Variants in ZNF804A observed in about 807,000 individuals in gnomAD.
ZNF804A encodes zinc finger protein 804A.
A neutral mutation model predicts 16.5 loss-of-function variants in ZNF804A; 2 were observed. That is an observed-to-expected ratio of 0.12 (90% CI 0.05 to 0.38). The LOEUF (loss-of-function observed/expected upper bound fraction) is 0.38. Among genes scored for constraint, ZNF804A ranks in the 10% least tolerant of loss-of-function variants. ZNF804A has a pLI of 0.99. For missense variants in ZNF804A, 1,473 were observed against 1,390.7 expected (o/e 1.06, Z -0.94); for synonymous variants, 534 against 489.6 (o/e 1.09, Z -1.20).
rs1472251340 is a variant in ZNF804A, at chr2:184,882,688, C to T, written c.255+16176C>T. On this transcript the variant is annotated intron_variant, in intron 2 of 3. Transcript: ENST00000302277. ...AATTAAACAGCCTGCTCCTGATTGA[C>T]TTTGGGTAAATAATGAAATGAAGGC... Among the ~76,000 whole-genome samples the T allele has an allele frequency of 3.3e-5, 5 of 152,200 alleles. No homozygotes were observed. In the East Asian group the frequency reaches 7.7e-4, roughly 24 times the overall value.
At chr2:184,674,441 G>A (rs1574156943) in intron 1 of ZNF804A, among the ~76,000 whole-genome samples, 1 of 151,982 alleles carries the variant, frequency 6.6e-6, no homozygotes, top group East Asian at 1.9e-4. Flanking sequence ...AAATAAAAAA[G>A]AGAACATGAT....
rs756649156 is a variant in ZNF804A at position 184,938,700 on chromosome 2, G to A, written c.3304G>A (p.Val1102Ile). The A allele has an allele frequency of 1.9e-6, 3 of 1,613,530 alleles. No homozygotes were observed. The highest frequency in any genetic ancestry group is 2.5e-6 in the Non-Finnish European group (3 of 1,179,804). ...CTCTGTAACCACTATCCATCACACT[G>A]TTTTGCAGCAGCACGCTGCAGCTGC... Reference protein sequence around the residue: ...STSVTTIHHTVLQQHAAAAAA... With the variant: ...STSVTTIHHTILQQHAAAAAA... The change falls in exon 4 of 4, where the codon GTT (valine) becomes ATT (isoleucine). Residue 1102 changes from valine to isoleucine, a missense_variant. Val to Ile is a conservative substitution (Grantham distance 29). Transcript: ENST00000302277.
intron 1 of ZNF804A, among the ~76,000 whole-genome samples, chr2:184,770,622 G>T (rs1203983755): frequency 6.9e-6 from 1 of 145,798 alleles, no homozygotes; most frequent in Admixed American, 6.7e-5. Flanking sequence ...ATCTCAAAAA[G>T]AAAATGTTGG....
chr2:184,884,631 G>A (rs1293607914), intron 2 of ZNF804A, among the ~76,000 whole-genome samples: 1 of 152,012 alleles, frequency 6.6e-6, no homozygotes, highest in Non-Finnish European at 1.5e-5. Flanking sequence ...ACAGAATAGA[G>A]AACCCAGAAA....
chr2:184,694,853 G>A (rs1692801954), intron 1 of ZNF804A, among the ~76,000 whole-genome samples: 1 of 152,196 alleles, frequency 6.6e-6, no homozygotes, highest in African/African-American at 2.4e-5. Flanking sequence ...GAAGGAGCTA[G>A]GCAAAGGTGT....
At chr2:184,810,448 A>G (rs1450477055) in intron 1 of ZNF804A, among the ~76,000 whole-genome samples, 1 of 142,872 alleles carries the variant, frequency 7.0e-6, no homozygotes, top group African/African-American at 2.6e-5. Flanking sequence ...TTTTCTTATT[A>G]TAATTACATT....
chr2:184,617,708 G>T (rs1230890827), intron 1 of ZNF804A, among the ~76,000 whole-genome samples: 2 of 151,460 alleles, frequency 1.3e-5, no homozygotes, highest in Admixed American at 1.3e-4. Context: ...TTGTGGTTAA[G>T]TCAATTATTT....
At chr2:184,881,190 C>T (rs896974261) in intron 2 of ZNF804A, among the ~76,000 whole-genome samples, 11 of 151,868 alleles carry the variant, frequency 7.2e-5, no homozygotes, top group Non-Finnish European at 2.9e-5. Flanking sequence ...GCCTACTCCC[C>T]GAATTAACTC....
intron 1 of ZNF804A, among the ~76,000 whole-genome samples, chr2:184,807,997 T>C (rs1427264913): frequency 6.6e-6 from 1 of 151,658 alleles, no homozygotes; most frequent in African/African-American, 2.4e-5. Flanking sequence ...TTAATTTGTT[T>C]ATATTTTAAA....
At chr2:184,833,427 A>G (rs1262949764) in intron 1 of ZNF804A, among the ~76,000 whole-genome samples, 3 of 152,064 alleles carry the variant, frequency 2.0e-5, no homozygotes, top group Admixed American at 2.0e-4. Flanking sequence ...CTGTCACTAC[A>G]AGCCACATGT....
intron 1 of ZNF804A, among the ~76,000 whole-genome samples, chr2:184,789,867 C>T (rs1322203526): frequency 6.6e-6 from 1 of 151,776 alleles, no homozygotes. Context: ...CTTCTGCTAG[C>T]TTTGGGGTTG....
intron 1 of ZNF804A, among the ~76,000 whole-genome samples, chr2:184,703,237 TA>T (rs1422590660): frequency 1.3e-5 from 2 of 152,182 alleles, no homozygotes; most frequent in Non-Finnish European, 2.9e-5. Flanking sequence ...TCACTGTTGC[TA>T]AAAAGTAGTT....
At position 184,938,659 on chromosome 2, in the gene ZNF804A, A is replaced by G. The variant is rs757986451; in HGVS notation, c.3263A>G (p.Gln1088Arg). The G allele has an allele frequency of 1.2e-6, 2 of 1,613,922 alleles. No homozygotes were observed. Among genetic ancestry groups the G allele is most frequent in the Non-Finnish European group, 1.7e-6 (2 of 1,179,934 alleles). ...CCTCTGCAGCCTTTGCCTTTGCAGCAGTCCTTATGTTCTACCTCTGTAACC... is the reference window on the plus strand; with the variant it reads ...CCTCTGCAGCCTTTGCCTTTGCAGCGGTCCTTATGTTCTACCTCTGTAACC... ...STPLQPLPLQ[Q>R]SLCSTSVTTI... The change falls in exon 4 of 4, where the codon CAG (glutamine) becomes CGG (arginine). Residue 1088 changes from glutamine to arginine, a missense_variant. Physicochemically the swap from Gln to Arg is conservative, Grantham distance 43. Coordinates refer to ENST00000302277, the MANE Select transcript of ZNF804A (RefSeq NM_194250.2).
chr2:184,804,965 C>T (rs891260022), intron 1 of ZNF804A, among the ~76,000 whole-genome samples: 6 of 152,114 alleles, frequency 3.9e-5, no homozygotes, highest in East Asian at 1.9e-4. Flanking sequence ...TATGTATACC[C>T]GCAGATTTTC....
At chr2:184,701,266 A>G (rs1692915263) in intron 1 of ZNF804A, among the ~76,000 whole-genome samples, 1 of 151,966 alleles carries the variant, frequency 6.6e-6, no homozygotes, top group African/African-American at 2.4e-5. Context: ...TTACGACAGA[A>G]TACAGCCAAA....
chr2:184,635,335 T>C (rs944391656), intron 1 of ZNF804A, among the ~76,000 whole-genome samples: 2 of 152,014 alleles, frequency 1.3e-5, no homozygotes, highest in Non-Finnish European at 2.9e-5. Flanking sequence ...GAATAAAGAG[T>C]AGCTTGGCAC....
intron 1 of ZNF804A, among the ~76,000 whole-genome samples, chr2:184,734,191 C>T (rs1693572549): frequency 6.6e-6 from 1 of 152,114 alleles, no homozygotes; most frequent in South Asian, 2.1e-4. Flanking sequence ...ATCCTCCTGC[C>T]TCAGTAACTA....
intron 1 of ZNF804A, among the ~76,000 whole-genome samples, chr2:184,695,560 A>G (rs1419012655): frequency 6.7e-6 from 1 of 149,600 alleles, no homozygotes; most frequent in Non-Finnish European, 1.5e-5. Flanking sequence ...GCTGGAGTGC[A>G]TCGGCATGAT....
chr2:184,686,666 A>G (rs1216366530), intron 1 of ZNF804A, among the ~76,000 whole-genome samples: 1 of 152,206 alleles, frequency 6.6e-6, no homozygotes, highest in Non-Finnish European at 1.5e-5. Flanking sequence ...CACCAACAGT[A>G]TATAAGTATT....
Sources: gnomAD v4.1 joint callset for allele counts (sites outside exome capture counted in the v4.1 genomes callset) on GRCh38, gnomAD v4.1.1 for gene constraint, MANE v1.5 for transcripts, NCBI Gene and HGNC (gene_info 2026-07-23, HGNC 2026-07-21) for gene names.